GRID2: variants seen among roughly 807,000 people sequenced by gnomAD.
GRID2 encodes glutamate receptor ionotropic, delta-2.
Under a neutral mutation model 114.8 loss-of-function variants are expected in GRID2, and 33 were observed. The ratio of observed to expected loss-of-function variants is 0.29; its 90% CI spans 0.22 to 0.38. The LOEUF (loss-of-function observed/expected upper bound fraction) is 0.38, where lower values mean the gene tolerates loss of function less well. GRID2 is among the 10% of genes least tolerant of loss of function. The pLI, the probability that GRID2 is intolerant of heterozygous loss-of-function variation, is 1.00. For missense variants in GRID2, 1,184 were observed against 1,257.7 expected (o/e 0.94, Z 0.89); for synonymous variants, 505 against 449.9 (o/e 1.12, Z -1.55).
intron 10 of GRID2, among the ~76,000 whole-genome samples, chr4:93,433,931 CT>C (rs1720823234): frequency 6.6e-6 from 1 of 152,132 alleles, no homozygotes. Context: ...GCGTAAGTCC[CT>C]TGTGTTCTTG....
intron 2 of GRID2, among the ~76,000 whole-genome samples, chr4:92,696,857 C>T (rs973829229): frequency 1.3e-5 from 2 of 152,088 alleles, no homozygotes; most frequent in African/African-American, 4.8e-5. Flanking sequence ...TACCTTGCAG[C>T]AGGGTACAAC....
chr4:93,218,441 C>A (rs1744488701), intron 6 of GRID2, among the ~76,000 whole-genome samples: 1 of 152,068 alleles, frequency 6.6e-6, no homozygotes, highest in African/African-American at 2.4e-5. Flanking sequence ...GAGGTCGAGG[C>A]TGCAGTGAGC....
At chr4:92,461,146 T>C (rs577644789) in intron 1 of GRID2, among the ~76,000 whole-genome samples, 2 of 151,938 alleles carry the variant, frequency 1.3e-5, no homozygotes, top group Non-Finnish European at 2.9e-5. Flanking sequence ...AGAATAAGTG[T>C]TTAAAGTAAA....
At chr4:93,238,242 CT>C in intron 7 of GRID2, 128 bp from the exon 8 acceptor site, 2 of 563,194 alleles carry the variant, frequency 3.6e-6, no homozygotes, top group East Asian at 6.3e-5. Flanking sequence ...AAAAAGTAGT[CT>C]GTTAAAAATT....
At chr4:92,794,297 A>G (rs1203564355) in intron 2 of GRID2, among the ~76,000 whole-genome samples, 1 of 151,772 alleles carries the variant, frequency 6.6e-6, no homozygotes, top group Admixed American at 6.6e-5. Flanking sequence ...GGCAACTCAT[A>G]TTGCAATTGG....
At chr4:93,412,143 C>CTGTG (rs1457831743) in intron 9 of GRID2, among the ~76,000 whole-genome samples, 1 of 151,510 alleles carries the variant, frequency 6.6e-6, no homozygotes, top group Non-Finnish European at 1.5e-5. Flanking sequence ...AGGCTGGGTT[C>CTGTG]TGTGGCTCAT....
chr4:92,881,498 C>T (rs933384064), intron 2 of GRID2, among the ~76,000 whole-genome samples: 1 of 152,242 alleles, frequency 6.6e-6, no homozygotes, highest in Admixed American at 6.5e-5. Context: ...AATATTTCGT[C>T]TGCTTCCTTT....
At chr4:93,546,365 G>A (rs1167008389) in intron 13 of GRID2, among the ~76,000 whole-genome samples, 2 of 152,166 alleles carry the variant, frequency 1.3e-5, no homozygotes, top group African/African-American at 4.8e-5. Flanking sequence ...CCATATTTGT[G>A]GATGAGATAC....
intron 1 of GRID2, among the ~76,000 whole-genome samples, chr4:92,341,518 G>T (rs1391668283): frequency 6.6e-6 from 1 of 151,958 alleles, no homozygotes; most frequent in African/African-American, 2.4e-5. Context: ...CTTCCCCAAG[G>T]CCACTCAATA....
At chr4:93,357,487 T>A (rs1299729709) in intron 8 of GRID2, among the ~76,000 whole-genome samples, 2 of 151,534 alleles carry the variant, frequency 1.3e-5, no homozygotes, top group Non-Finnish European at 3.0e-5. Flanking sequence ...GAATGTTTTA[T>A]GTTATCAAAC....
chr4:93,224,556 C>A, intron 6 of GRID2, 58 bp from the exon 7 acceptor site: 1 of 1,123,864 alleles, frequency 8.9e-7, no homozygotes. Flanking sequence ...ATTTTTTTTC[C>A]TTATTCCTGA....
intron 1 of GRID2, among the ~76,000 whole-genome samples, chr4:92,385,013 G>A (rs773672920): frequency 6.6e-6 from 1 of 151,428 alleles, no homozygotes; most frequent in Non-Finnish European, 1.5e-5. Flanking sequence ...GAAATGTCAG[G>A]TGATTCACAT....
chr4:93,660,471 A>G (rs555953752), intron 14 of GRID2, among the ~76,000 whole-genome samples: 2 of 152,332 alleles, frequency 1.3e-5, no homozygotes, highest in Non-Finnish European at 2.9e-5. Context: ...AGAAATGATT[A>G]TGGAGTAAAT....
At chr4:92,840,934 A>G (rs1367846486) in intron 2 of GRID2, among the ~76,000 whole-genome samples, 1 of 152,054 alleles carries the variant, frequency 6.6e-6, no homozygotes, top group Non-Finnish European at 1.5e-5. Flanking sequence ...GCTTGCTAAA[A>G]GGCCTCAGAT....
At chr4:92,493,127 CAAAAAAA>C (rs1043809824) in intron 1 of GRID2, among the ~76,000 whole-genome samples, 3 of 48,480 alleles carry the variant, frequency 6.2e-5, no homozygotes, top group Non-Finnish European at 1.4e-4. Context: ...GACTCCATCT[CAAAAAAA>C]AAAAAAAAAA....
intron 1 of GRID2, among the ~76,000 whole-genome samples, chr4:92,437,147 A>C (rs1361007245): frequency 2.0e-5 from 3 of 152,220 alleles, no homozygotes; most frequent in Non-Finnish European, 4.4e-5. Flanking sequence ...TTAAAGAGAA[A>C]TTTTACTTTA....
intron 2 of GRID2, among the ~76,000 whole-genome samples, chr4:92,863,542 T>A (rs1438269501): frequency 6.6e-6 from 1 of 152,122 alleles, no homozygotes; most frequent in African/African-American, 2.4e-5. Context: ...TCAAATACTC[T>A]GCAGCCCTCA....
chr4:92,348,470 A>T (rs905672607), intron 1 of GRID2, among the ~76,000 whole-genome samples: 1 of 152,064 alleles, frequency 6.6e-6, no homozygotes, highest in Non-Finnish European at 1.5e-5. Flanking sequence ...AAAAGTTGGA[A>T]CTCAGAGTTC....
intron 4 of GRID2, among the ~76,000 whole-genome samples, chr4:93,173,540 A>G (rs1739052729): frequency 6.6e-6 from 1 of 152,226 alleles, no homozygotes; most frequent in Non-Finnish European, 1.5e-5. Flanking sequence ...TTGATGATAA[A>G]ATATAAAACT....
Sources: allele counts gnomAD v4.1 joint callset (sites outside exome capture counted in the v4.1 genomes callset), GRCh38; gene constraint gnomAD v4.1.1; transcripts MANE v1.5; gene names NCBI Gene and HGNC (gene_info 2026-07-23, HGNC 2026-07-21).